The following SLC26A7 variants were observed in gnomAD, a reference collection of about 807,000 sequenced individuals.
SLC26A7 encodes anion exchange transporter.
In SLC26A7, 59 loss-of-function variants were observed where a neutral mutation model predicts 82.5. The ratio of observed to expected loss-of-function variants is 0.72; its 90% CI spans 0.58 to 0.89. The LOEUF (loss-of-function observed/expected upper bound fraction) is 0.89, where lower values mean the gene tolerates loss of function less well. Ranked by LOEUF, SLC26A7 falls within the 40% of genes least tolerant of loss-of-function variation. The pLI is 0.00. For missense variants in SLC26A7, 820 were observed against 793.0 expected (o/e 1.03, Z -0.41); for synonymous variants, 271 against 274.3 (o/e 0.99, Z 0.12).
intron 14 of SLC26A7, among the ~76,000 whole-genome samples, chr8:91,367,830 A>C (rs1814239267): frequency 6.6e-6 from 1 of 152,136 alleles, no homozygotes; most frequent in African/African-American, 2.4e-5. Flanking sequence ...CGAGCTACTT[A>C]TCCCCCAGTC....
rs55869816 is a variant in SLC26A7 at position 91,279,125 on chromosome 8, GTATATATATATA to G, written c.194-9981_194-9970del. On this transcript the variant is annotated intron_variant, in intron 2 of 18. Coordinates refer to ENST00000276609, the MANE Select transcript of SLC26A7 (RefSeq NM_052832.4). ...TATTTCATAGTATGTGTGTGTGTGT[GTATATATATATA>G]TATATATATATATATATATATATAT... 6.7e-3 allele frequency among the ~76,000 whole-genome samples: 745 copies of G among 111,286 alleles called. 9 individuals are homozygous for G. The highest frequency in any genetic ancestry group is 0.028 in the Middle Eastern group (6 of 212). 73.0% of individuals were successfully genotyped at this position (111,286 alleles called of 152,430 possible).
At chr8:91,268,794 A>G (rs1455789849) in intron 2 of SLC26A7, among the ~76,000 whole-genome samples, 1 of 151,098 alleles carries the variant, frequency 6.6e-6, no homozygotes, top group Non-Finnish European at 1.5e-5. Context: ...GACTTTCTCT[A>G]GTAAAGAGAA....
intron 2 of SLC26A7, among the ~76,000 whole-genome samples, chr8:91,261,961 T>G (rs1016879544): frequency 6.6e-6 from 1 of 151,964 alleles, no homozygotes; most frequent in African/African-American, 2.4e-5. Context: ...GATTAGGAAA[T>G]AGTAGAAGAG....
chr8:91,222,615 ATG>A (rs1387108895), intron 2 of SLC26A7, among the ~76,000 whole-genome samples: 1 of 152,160 alleles, frequency 6.6e-6, no homozygotes, highest in Non-Finnish European at 1.5e-5. Flanking sequence ...TGAGATAATC[ATG>A]TGTTTTTTGT....
At chr8:91,217,228 T>C (rs1810067076) in intron 1 of SLC26A7, among the ~76,000 whole-genome samples, 1 of 152,176 alleles carries the variant, frequency 6.6e-6, no homozygotes, top group African/African-American at 2.4e-5. Context: ...AGGTAACTTA[T>C]AATTTGTCAG....
chr8:91,370,981 G>C (rs1483465793), intron 15 of SLC26A7, among the ~76,000 whole-genome samples: 1 of 151,526 alleles, frequency 6.6e-6, no homozygotes, highest in Non-Finnish European at 1.5e-5. Context: ...TTTTTATTTT[G>C]AATTTTTGGA....
chr8:91,261,245 T>C (rs1022703846), intron 2 of SLC26A7, among the ~76,000 whole-genome samples: 1 of 152,184 alleles, frequency 6.6e-6, no homozygotes, highest in Non-Finnish European at 1.5e-5. Context: ...CCTTTTGCTA[T>C]GTTCTTGGAA....
intron 2 of SLC26A7, among the ~76,000 whole-genome samples, chr8:91,254,079 T>A (rs76672866): frequency 0.023 from 3,475 of 152,220 alleles, 132 homozygotes; most frequent in African/African-American, 0.079. Context: ...AAGTTACAAA[T>A]TTGCAGGCCT....
At chr8:91,231,314 C>T (rs1167344421) in intron 2 of SLC26A7, among the ~76,000 whole-genome samples, 18 of 152,124 alleles carry the variant, frequency 1.2e-4, no homozygotes, top group Admixed American at 1.2e-3. Flanking sequence ...AATTTAAGTC[C>T]TGTTTTAGAC....
chr8:91,392,615 C>G (rs1270459963), intron 16 of SLC26A7, among the ~76,000 whole-genome samples: 1 of 152,178 alleles, frequency 6.6e-6, no homozygotes, highest in Non-Finnish European at 1.5e-5. Context: ...GACTCTTCAG[C>G]CCTGCATGCC....
rs544479933 is a variant in SLC26A7, at chr8:91,214,582, C to T, written c.-149-4308C>T. On this transcript the variant is annotated intron_variant, in intron 1 of 5. Transcript: ENST00000522862. ...CTTGTCTCTACCTTGAAATATGAGGCCTAAGGTAAGTCATCTACCTTACTA... is the reference window on the plus strand; with the variant it reads ...CTTGTCTCTACCTTGAAATATGAGGTCTAAGGTAAGTCATCTACCTTACTA... Among the ~76,000 whole-genome samples, 86 of 152,122 alleles carry T rather than the reference C, an allele frequency of 5.7e-4. 2 individuals carry two copies. In the Middle Eastern group the frequency reaches 0.01, roughly 18 times the overall value.
At chr8:91,389,854 A>C (rs1208611271) in intron 16 of SLC26A7, among the ~76,000 whole-genome samples, 1 of 152,166 alleles carries the variant, frequency 6.6e-6, no homozygotes, top group African/African-American at 2.4e-5. Flanking sequence ...AGTTTGGCCT[A>C]ATATCATTTC....
chr8:91,233,291 G>T (rs1022496999), intron 2 of SLC26A7, among the ~76,000 whole-genome samples: 12 of 152,184 alleles, frequency 7.9e-5, no homozygotes, highest in African/African-American at 2.9e-4. Flanking sequence ...GAGGGGCAGG[G>T]CGCAGTGGCT....
intron 11 of SLC26A7, among the ~76,000 whole-genome samples, chr8:91,357,599 A>G (rs1335971877): frequency 6.6e-6 from 1 of 152,224 alleles, no homozygotes; most frequent in Admixed American, 6.5e-5. Flanking sequence ...ACCGTATACA[A>G]AAACTAATTC....
At chr8:91,334,015 G>A (rs1270721981) in intron 5 of SLC26A7, among the ~76,000 whole-genome samples, 1 of 152,144 alleles carries the variant, frequency 6.6e-6, no homozygotes, top group Non-Finnish European at 1.5e-5. Context: ...GCCCCTCAGA[G>A]TGTCAGGGAT....
In SLC26A7 at chr8:91,282,400, G is replaced by T. The variant is rs558279642; in HGVS notation, c.194-6736G>T. Among the ~76,000 whole-genome samples the T allele has an allele frequency of 6.2e-4, 94 of 152,272 alleles. 1 individual carries two copies. In the South Asian group the frequency reaches 0.019, roughly 31 times the overall value. ...CAACAGCAGGCTGATGAGACAGAAG[G>T]TTCATAGAGGAAACTTCTATGCTTC... On this transcript the variant is annotated intron_variant, in intron 2 of 18. Transcript: ENST00000276609.
chr8:91,271,163 C>A (rs1265779586), intron 2 of SLC26A7, among the ~76,000 whole-genome samples: 1 of 152,192 alleles, frequency 6.6e-6, no homozygotes, highest in East Asian at 1.9e-4. Context: ...CCTACCCCAA[C>A]CATTCCATTT....
intron 15 of SLC26A7, among the ~76,000 whole-genome samples, chr8:91,385,898 T>C (rs1352649351): frequency 6.6e-6 from 1 of 152,166 alleles, no homozygotes; most frequent in Non-Finnish European, 1.5e-5. Flanking sequence ...TAATCACCAT[T>C]TTCTAGTCAA....
At chr8:91,343,540 G>C (rs1813477708) in intron 9 of SLC26A7, 74 bp downstream of exon 9, 12 of 1,025,754 alleles carry the variant, frequency 1.2e-5, no homozygotes, top group Non-Finnish European at 1.7e-5. Flanking sequence ...GGAAGAGCTA[G>C]CTTCTCTTTA....
Sources: allele counts gnomAD v4.1 joint callset (sites outside exome capture counted in the v4.1 genomes callset), GRCh38; gene constraint gnomAD v4.1.1; transcripts MANE v1.5; gene names NCBI Gene and HGNC (gene_info 2026-07-23, HGNC 2026-07-21).